TGM3: variants seen among roughly 807,000 people sequenced by gnomAD.
The protein encoded by TGM3 is protein-glutamine gamma-glutamyltransferase E.
A neutral mutation model predicts 73.8 loss-of-function variants in TGM3; 52 were observed. The ratio of observed to expected loss-of-function variants is 0.70; its 90% CI spans 0.56 to 0.89. The LOEUF (loss-of-function observed/expected upper bound fraction) is 0.89. TGM3 is among the 40% of genes least tolerant of loss of function. The pLI, the probability that TGM3 is intolerant of heterozygous loss-of-function variation, is 0.00. For missense variants in TGM3, 928 were observed against 909.9 expected (o/e 1.02, Z -0.26); for synonymous variants, 372 against 354.9 (o/e 1.05, Z -0.54).
At chr20:2,305,545 C>G (rs214795) in intron 1 of TGM3, among the ~76,000 whole-genome samples, 113,747 of 152,122 alleles carry the variant, frequency 0.75, 44,105 homozygotes, top group East Asian at 0.93. Context: ...ACATACATAA[C>G]ATGTTCTGTG....
intron 11 of TGM3, among the ~76,000 whole-genome samples, chr20:2,338,476 C>T (rs1192773654): frequency 6.6e-6 from 1 of 152,206 alleles, no homozygotes; most frequent in Admixed American, 6.5e-5. Context: ...TTATGTCATA[C>T]ACTTAAATGA....
At position 2,325,901 on chromosome 20, in the gene TGM3, T is replaced by TCGTA; in HGVS notation, c.1039_1042dup (p.Gly348ValfsTer33). On this transcript the variant is annotated frameshift_variant, in exon 8 of 13. Coordinates refer to ENST00000381458, the MANE Select transcript of TGM3 (RefSeq NM_003245.4). LOFTEE classifies it high-confidence loss of function. ...GTTTGTGAGGTCTGACCTGGGCCCC[T>TCGTA]CGTACGGTGGATGGCAGGTGTTGGA... The TCGTA allele has an allele frequency of 6.3e-7, 1 of 1,591,846 alleles. No individual in the cohort carries two copies.
chr20:2,310,542 C>A, intron 3 of TGM3, 125 bp downstream of exon 3: 1 of 1,457,648 alleles, frequency 6.9e-7, no homozygotes, highest in Non-Finnish European at 9.2e-7. Context: ...GGAAAGGGCG[C>A]AGAAGCTAGA....
chr20:2,339,805 AGGG>A, intron 11 of TGM3, 46 bp from the exon 12 acceptor site: 2 of 1,611,512 alleles, frequency 1.2e-6, no homozygotes, highest in Non-Finnish European at 1.7e-6. Context: ...AGGTGCAGGC[AGGG>A]GCTGAGCAGC....
At chr20:2,331,041 A>T (rs1371326875) in intron 9 of TGM3, among the ~76,000 whole-genome samples, 1 of 151,776 alleles carries the variant, frequency 6.6e-6, no homozygotes, top group Non-Finnish European at 1.5e-5. Context: ...AGAGAAAAAA[A>T]ATAAAAAAAG....
intron 10 of TGM3, among the ~76,000 whole-genome samples, chr20:2,333,370 T>G (rs998275586): frequency 2.0e-5 from 3 of 152,026 alleles, no homozygotes; most frequent in East Asian, 1.9e-4. Flanking sequence ...AAAGGGCTTT[T>G]TTTGTTTGTT....
intron 8 of TGM3, among the ~76,000 whole-genome samples, chr20:2,327,820 C>G (rs1239109072): frequency 6.6e-6 from 1 of 152,168 alleles, no homozygotes; most frequent in African/African-American, 2.4e-5. Context: ...ACCCTGAGCA[C>G]GAGAAAGCAA....
rs2084380025 is a variant in TGM3, at chr20:2,341,032, C to A, written c.*451C>A. 6.8e-6 allele frequency: 3 copies of A among 441,712 alleles called. No homozygotes were observed. The highest frequency in any genetic ancestry group is 4.9e-5 in the Admixed American group (2 of 41,152). The allele number at this position is 441,712 out of a possible 1,614,324, so 27.4% of individuals were successfully genotyped here. A position where few individuals can be genotyped will look rare whatever the true frequency, so the allele number is the denominator to read the frequency against. Reference sequence around the variant, plus strand: ...GGGGATGGTTAGTCACCTGCCCCAGCACTCACACCCTAACTCAAAATAAAT... The same window carrying A: ...GGGGATGGTTAGTCACCTGCCCCAGAACTCACACCCTAACTCAAAATAAAT... On this transcript the variant is annotated 3_prime_UTR_variant, in exon 13 of 13. Transcript: ENST00000381458.
chr20:2,305,382 T>C (rs139768201), intron 1 of TGM3, among the ~76,000 whole-genome samples: 121 of 152,334 alleles, frequency 7.9e-4, no homozygotes, highest in African/African-American at 2.7e-3. Flanking sequence ...TCAGGAACTT[T>C]GTGCCAAGAA....
At chr20:2,337,571 T>C (rs2084357032) in intron 11 of TGM3, among the ~76,000 whole-genome samples, 1 of 151,878 alleles carries the variant, frequency 6.6e-6, no homozygotes, top group African/African-American at 2.4e-5. Context: ...ATAGAAAAAA[T>C]TAGCCAGGCA....
At chr20:2,307,985 G>T (rs1374624905) in intron 1 of TGM3, among the ~76,000 whole-genome samples, 2 of 152,128 alleles carry the variant, frequency 1.3e-5, no homozygotes, top group African/African-American at 4.8e-5. Context: ...ACTTTGGGAT[G>T]CCAAGACGTG....
At chr20:2,333,324 A>T (rs1198184108) in intron 10 of TGM3, among the ~76,000 whole-genome samples, 1 of 152,154 alleles carries the variant, frequency 6.6e-6, no homozygotes, top group African/African-American at 2.4e-5. Flanking sequence ...TATATGAAGC[A>T]ACTGCCTGGC....
intron 1 of TGM3, 134 bp downstream of exon 1, chr20:2,296,204 T>TAGG: frequency 1.8e-6 from 2 of 1,101,650 alleles, no homozygotes; most frequent in Non-Finnish European, 2.7e-6. Flanking sequence ...CTTCCTATTT[T>TAGG]AGGGTGCTAG....
Position 2,333,177 on chromosome 20 carries a change from A to G in TGM3, c.1642+867A>G, listed in dbSNP as rs572826181. The stretch of plus-strand genomic sequence containing the variant: ...GGTTATTTGCTTCACATAAGGAACT[A>G]ATAGAAACTGATTAATTATACTGCC... On this transcript the variant is annotated intron_variant, in intron 10 of 12. Transcript: ENST00000381458. 5.9e-5 allele frequency among the ~76,000 whole-genome samples: 9 copies of G among 152,334 alleles called. No individual in the cohort carries two copies. The South Asian group carries it at 1.9e-3, about 32-fold the overall frequency.
Position 2,332,002 on chromosome 20 carries a change from G to C in TGM3, c.1334G>C (p.Gly445Ala), listed in dbSNP as rs757016473. The C allele has an allele frequency of 1.9e-6, 3 of 1,597,754 alleles. No individual in the cohort carries two copies. Among genetic ancestry groups the C allele is most frequent in the Non-Finnish European group, 2.6e-6 (3 of 1,171,380 alleles). The change falls in exon 10 of 13, where the codon GGC becomes GCC. Residue 445 changes from glycine (G) to alanine (A), a missense_variant and splice_region_variant. By Grantham distance (60) the Gly-to-Ala change is moderately conservative. Transcript: ENST00000381458. This position sits in a 1 kb window ranked among gnomAD's most constrained non-coding sequence, Gnocchi z 4.4. ...DVTDKYKYPE[G>A]SDQERQVFQK... ...GTTTCTGTCTTTTCCCACCACACAGGCTCTGACCAGGAAAGACAAGTGTTC... is the reference window on the plus strand; with the variant it reads ...GTTTCTGTCTTTTCCCACCACACAGCCTCTGACCAGGAAAGACAAGTGTTC...
chr20:2,327,201 T>C (rs2084292697), intron 8 of TGM3, among the ~76,000 whole-genome samples: 1 of 152,238 alleles, frequency 6.6e-6, no homozygotes, highest in Admixed American at 6.5e-5. Flanking sequence ...CTGGGCGCAG[T>C]GGCTCACGCC....
rs1279728981 is a variant in TGM3 at position 2,328,072 on chromosome 20, T to A, written c.1088-48T>A. ...AGGCCCTGGGGAATCGGGCACTGGG[T>A]AGGTTGTGGCCTTGGCATATATCCA... On this transcript the variant is annotated intron_variant, in intron 8 of 12. Coordinates refer to ENST00000381458, the MANE Select transcript of TGM3 (RefSeq NM_003245.4). This position sits in a 1 kb window ranked among gnomAD's most constrained non-coding sequence, Gnocchi z 5.2. The A allele has an allele frequency of 1.2e-6, 2 of 1,610,488 alleles. No individual in the cohort carries two copies. Among genetic ancestry groups the A allele is most frequent in the Non-Finnish European group, 8.5e-7 (1 of 1,177,714 alleles).
chr20:2,301,999 C>T (rs1260420730), intron 1 of TGM3, among the ~76,000 whole-genome samples: 1 of 152,190 alleles, frequency 6.6e-6, no homozygotes, highest in African/African-American at 2.4e-5. Context: ...CCGTGCCCAG[C>T]CACTTTTTAG....
Position 2,328,015 on chromosome 20 carries a change from G to C in TGM3, c.1088-105G>C. On this transcript the variant is annotated intron_variant, in intron 8 of 12. Transcript: ENST00000381458. The surrounding 1 kb of genome is among the most constrained non-coding windows in gnomAD (Gnocchi z 5.2). ...AGTCAGGGGTGAAGGAATTTGGGCG[G>C]GGCAGAGGCAGGGGGTTGCAGTGGT... 1 of 1,519,122 alleles carries C rather than the reference G, an allele frequency of 6.6e-7. No individual in the cohort carries two copies. Among genetic ancestry groups the C allele is most frequent in the South Asian group, 1.2e-5 (1 of 80,732 alleles). The allele number at this position is 1,519,122 out of a possible 1,614,324, so 94.1% of individuals were successfully genotyped here. A position where few individuals can be genotyped will look rare whatever the true frequency, so the allele number is the denominator to read the frequency against.
Sources: allele counts gnomAD v4.1 joint callset (sites outside exome capture counted in the v4.1 genomes callset), GRCh38; gene constraint gnomAD v4.1.1; non-coding constraint Gnocchi (gnomAD v3.1); transcripts MANE v1.5; gene names NCBI Gene and HGNC (gene_info 2026-07-23, HGNC 2026-07-21).